Variants in WT1 observed in about 807,000 individuals in gnomAD.
WT1 encodes the protein Wilms tumor protein.
In WT1, 8 loss-of-function variants were observed where a neutral mutation model predicts 60.8. The observed-to-expected ratio is 0.13, with a 90% CI of 0.08 to 0.24. WT1 has a LOEUF of 0.24. Ranked by LOEUF, WT1 falls within the 10% of genes least tolerant of loss-of-function variation. The probability of loss-of-function intolerance (pLI) is 1.00; values close to 1 mark genes in which losing one functional copy is unlikely to be tolerated. For missense variants in WT1, 568 were observed against 711.8 expected, an observed-to-expected ratio of 0.80 and a Z score of 2.30; for synonymous variants, 312 against 297.1, an observed-to-expected ratio of 1.05 and a Z score of -0.52.
At chr11:32,419,776 C>T (rs1852794143) in intron 3 of WT1, among the ~76,000 whole-genome samples, 1 of 152,256 alleles carries the variant, frequency 6.6e-6, no homozygotes, top group Non-Finnish European at 1.5e-5. Flanking sequence ...TCGCTGCAAC[C>T]TCAGTCTCCC....
intron 3 of WT1, among the ~76,000 whole-genome samples, chr11:32,427,220 G>C (rs543672023): frequency 3.0e-4 from 46 of 152,374 alleles, no homozygotes; most frequent in African/African-American, 1.1e-3. Context: ...TCGCAGACGC[G>C]GGCGGCCGGC....
chr11:32,414,201 C>A (rs1157259673), intron 5 of WT1, among the ~76,000 whole-genome samples: 2 of 152,138 alleles, frequency 1.3e-5, no homozygotes, highest in East Asian at 3.8e-4. Context: ...TCTGTTGGGC[C>A]ATCTAGCCCT....
intron 4 of WT1, 33 bp downstream of exon 4, chr11:32,417,544 T>A: frequency 6.3e-7 from 1 of 1,580,214 alleles, no homozygotes. Context: ...TATAAGTTAC[T>A]GTGGAAAGGC....
At position 32,434,878 on chromosome 11, in the gene WT1, G is replaced by A. The variant is rs773922379; in HGVS notation, c.483C>T (p.Cys161=). 6.2e-7 allele frequency: 1 copy of A among 1,612,470 alleles called. No individual in the cohort carries two copies. Among genetic ancestry groups the A allele is most frequent in the Non-Finnish European group, 8.5e-7 (1 of 1,179,830 alleles). ...AAAAGTGGACAGTGAAGGCGCTCAG[G>A]CACTGCTCCTCGTGCGGCTCCGCGC... Residue 161 remains cysteine (C), a synonymous_variant, in exon 1 of 10, where the codon TGC becomes TGT. Coordinates refer to ENST00000452863, the MANE Select transcript of WT1 (RefSeq NM_024426.6).
intron 7 of WT1, 131 bp downstream of exon 7, chr11:32,396,126 C>T: frequency 7.5e-7 from 1 of 1,330,938 alleles, no homozygotes; most frequent in South Asian, 1.2e-5. Flanking sequence ...CTTTACAACA[C>T]CTGGATCAGA....
At chr11:32,421,215 T>C (rs1852844008) in intron 3 of WT1, among the ~76,000 whole-genome samples, 1 of 152,162 alleles carries the variant, frequency 6.6e-6, no homozygotes, top group African/African-American at 2.4e-5. Flanking sequence ...CCAGCTCTCA[T>C]CATGGAAGCC....
intron 5 of WT1, among the ~76,000 whole-genome samples, chr11:32,408,137 C>A (rs1358978331): frequency 2.7e-5 from 4 of 150,482 alleles, no homozygotes; most frequent in Non-Finnish European, 4.4e-5. Context: ...GCAGGGGAAT[C>A]GCTTGAACCA....
rs1851707180 is a variant in WT1 at position 32,388,031 on chromosome 11, C to T, written c.*1027G>A. ...ACACACACACACACACACACACACA[C>T]ACACACGACCATCTTTAAACAATGG... On this transcript the variant is annotated 3_prime_UTR_variant, in exon 10 of 10. Transcript: ENST00000452863. 8.4e-6 allele frequency: 2 copies of T among 237,030 alleles called. No individual in the cohort carries two copies. Among genetic ancestry groups the T allele is most frequent in the Admixed American group, 5.7e-5 (1 of 17,664 alleles). The allele number at this position is 237,030 out of a possible 1,614,324, so 14.7% of individuals were successfully genotyped here.
rs5030165 is a variant in WT1, at chr11:32,428,361, C to T, written c.784+136G>A. ...CCAGTCTTGTCCTTTAAATACAGTG[C>T]CATTGGGGTAATGATTTCTAAGGTC... On this transcript the variant is annotated intron_variant, in intron 2 of 9. Coordinates refer to ENST00000452863, the MANE Select transcript of WT1 (RefSeq NM_024426.6). 2,704 of 1,445,338 alleles carry T rather than the reference C, an allele frequency of 1.9e-3. 5 individuals carry two copies. Among genetic ancestry groups the T allele is most frequent in the Non-Finnish European group, 2.4e-3 (2,496 of 1,061,698 alleles). The allele number at this position is 1,445,338 out of a possible 1,614,324, so 89.5% of individuals were successfully genotyped here.
At chr11:32,428,415 G>T in intron 2 of WT1, 82 bp downstream of exon 2, 2 of 1,604,174 alleles carry the variant, frequency 1.2e-6, no homozygotes, top group East Asian at 2.2e-5. Flanking sequence ...TGCCTAATTT[G>T]CTGTGGGTTA....
At chr11:32,428,645 A>AGT in intron 1 of WT1, 26 bp from the exon 2 acceptor site, 2 of 1,608,260 alleles carry the variant, frequency 1.2e-6, no homozygotes, top group Non-Finnish European at 1.7e-6. Flanking sequence ...AGAGAAGCAC[A>AGT]GTGTCAGCGG....
rs566917019 is a variant in WT1, at chr11:32,428,670, G to T, written c.662-51C>A. The T allele has an allele frequency of 3.8e-6, 6 of 1,592,940 alleles. No homozygotes were observed. In the South Asian group the frequency reaches 5.6e-5, roughly 15 times the overall value. On this transcript the variant is annotated intron_variant, in intron 1 of 9. Coordinates refer to ENST00000452863, the MANE Select transcript of WT1 (RefSeq NM_024426.6). ...AGTGTCAGCGGTGCTCTCGCAAGAC[G>T]GGGCAGTGGGTCTGAACCAGCCACG...
chr11:32,427,508 T>C (rs543633657), intron 3 of WT1, among the ~76,000 whole-genome samples: 1 of 152,176 alleles, frequency 6.6e-6, no homozygotes, highest in South Asian at 2.1e-4. Flanking sequence ...GTCGAAACCC[T>C]GGAGGGTTGA....
Position 32,434,820 on chromosome 11 carries a change from G to C in WT1, c.541C>G (p.Arg181Gly). The change falls in exon 1 of 10, where the codon CGC (arginine) becomes GGC (glycine). Residue 181 changes from arginine to glycine, a missense_variant. By Grantham distance (125) the Arg-to-Gly change is moderately radical. Coordinates refer to ENST00000452863, the MANE Select transcript of WT1 (RefSeq NM_024426.6). Reference sequence around the variant, plus strand: ...GGAGGAGGACCGAAGGGCCCGTAGCGACAGGCTCCGGCTGTGCCAGTGAAC... The same window carrying C: ...GGAGGAGGACCGAAGGGCCCGTAGCCACAGGCTCCGGCTGTGCCAGTGAAC... 1 of 1,612,518 alleles carries C rather than the reference G, an allele frequency of 6.2e-7. No homozygotes were observed. The highest frequency in any genetic ancestry group is 8.5e-7 in the Non-Finnish European group (1 of 1,179,796).
chr11:32,395,329 G>A (rs5030281), intron 7 of WT1, among the ~76,000 whole-genome samples: 23,475 of 152,172 alleles, frequency 0.15, 2,776 homozygotes, highest in East Asian at 0.66. Context: ...CAGAGTAAAC[G>A]TTCTGTGACA....
At chr11:32,434,627 G>A (rs945892797) in intron 1 of WT1, 73 bp downstream of exon 1, 2 of 1,606,700 alleles carry the variant, frequency 1.2e-6, no homozygotes, top group African/African-American at 1.3e-5. Context: ...GGGTAGGAGA[G>A]GGGGGTGTCC....
In WT1 at chr11:32,388,821, A is replaced by G. The variant is rs1851735102; in HGVS notation, c.*237T>C. The G allele has an allele frequency of 4.6e-6, 3 of 649,348 alleles. No homozygotes were observed. The South Asian group carries it at 5.9e-5, about 13-fold the overall frequency. 40.2% of individuals were successfully genotyped at this position (649,348 alleles called of 1,614,324 possible). Reference sequence around the variant, plus strand: ...AATGGCAATGGGCTTTTAACTAACCAGACATTGTTAGCTGCTTCTCCAGGG... The same window carrying G: ...AATGGCAATGGGCTTTTAACTAACCGGACATTGTTAGCTGCTTCTCCAGGG... On this transcript the variant is annotated 3_prime_UTR_variant, in exon 10 of 10. Coordinates refer to ENST00000452863, the MANE Select transcript of WT1 (RefSeq NM_024426.6).
At chr11:32,421,827 C>A (rs1398347660) in intron 3 of WT1, among the ~76,000 whole-genome samples, 1 of 152,170 alleles carries the variant, frequency 6.6e-6, no homozygotes, top group African/African-American at 2.4e-5. Context: ...TTATATTCAG[C>A]AGAATAATTT....
intron 5 of WT1, among the ~76,000 whole-genome samples, chr11:32,411,541 G>A (rs773621427): frequency 1.3e-5 from 2 of 152,146 alleles, no homozygotes; most frequent in Non-Finnish European, 2.9e-5. Context: ...GTTTCATCTA[G>A]GCTTTTGGGG....
Sources: gnomAD v4.1 joint callset for allele counts (sites outside exome capture counted in the v4.1 genomes callset) on GRCh38, gnomAD v4.1.1 for gene constraint, MANE v1.5 for transcripts, NCBI Gene and HGNC (gene_info 2026-07-23, HGNC 2026-07-21) for gene names.